The following PRDM6 variants were observed in gnomAD, a reference collection of about 807,000 sequenced individuals.
The protein encoded by PRDM6 is PR/SET domain 6.
A neutral mutation model predicts 60.8 loss-of-function variants in PRDM6; 25 were observed. The ratio of observed to expected loss-of-function variants is 0.41; its 90% CI spans 0.30 to 0.57. The LOEUF (loss-of-function observed/expected upper bound fraction) is 0.57, where lower values mean the gene tolerates loss of function less well. PRDM6 is among the 20% of genes least tolerant of loss of function. The pLI, the probability that PRDM6 is intolerant of heterozygous loss-of-function variation, is 0.27. For missense variants in PRDM6, 839 were observed against 821.3 expected (o/e 1.02, Z -0.26); for synonymous variants, 407 against 357.4 (o/e 1.14, Z -1.57).
chr5:123,106,046 A>T (rs563847404), intron 3 of PRDM6, among the ~76,000 whole-genome samples: 1 of 152,346 alleles, frequency 6.6e-6, no homozygotes, highest in Non-Finnish European at 1.5e-5. Flanking sequence ...CTCTTCTTGG[A>T]GCCTGGTTGA....
In PRDM6 at chr5:123,090,348, C is replaced by T; in HGVS notation, c.334C>T (p.Pro112Ser). 6.8e-7 allele frequency: 1 copy of T among 1,475,400 alleles called. No individual in the cohort carries two copies. Among genetic ancestry groups the T allele is most frequent in the Admixed American group, 2.3e-5 (1 of 43,298 alleles). The allele number at this position is 1,475,400 out of a possible 1,614,324, so 91.4% of individuals were successfully genotyped here. Residue 112 changes from proline to serine, a missense_variant, in exon 2 of 8, where the codon CCG becomes TCG. This residue lies in a region of PRDM6 where 730 missense variants were observed against 648.8 expected (regional missense o/e 1.13). Transcript: ENST00000407847. ...AAALAGLSALPVSQLPVFAPL... is the reference protein window; with the variant it reads ...AAALAGLSALSVSQLPVFAPL... ...CGCGCTGGCTGGTCTCTCGGCCCTG[C>T]CGGTGTCGCAGCTGCCGGTGTTCGC...
At chr5:123,143,173 G>A (rs1352642470) in intron 3 of PRDM6, among the ~76,000 whole-genome samples, 1 of 151,836 alleles carries the variant, frequency 6.6e-6, no homozygotes, top group East Asian at 1.9e-4. Context: ...GTGTGTGTGT[G>A]TGTGTATGTG....
chr5:123,148,442 G>A (rs1296867027), intron 3 of PRDM6, among the ~76,000 whole-genome samples: 1 of 152,014 alleles, frequency 6.6e-6, no homozygotes, highest in Non-Finnish European at 1.5e-5. Flanking sequence ...ATTGTAATAG[G>A]TGGAGGAGGG....
intron 3 of PRDM6, among the ~76,000 whole-genome samples, chr5:123,134,293 A>G (rs115374469): frequency 0.014 from 2,135 of 152,262 alleles, 56 homozygotes; most frequent in African/African-American, 0.049. Flanking sequence ...TGTTAGCTCA[A>G]AAATGTAACA....
intron 3 of PRDM6, among the ~76,000 whole-genome samples, chr5:123,111,628 G>A (rs966386059): frequency 1.3e-5 from 2 of 152,088 alleles, no homozygotes; most frequent in South Asian, 2.1e-4. Flanking sequence ...AACCCGGGGG[G>A]CGGAGCTTGC....
Position 123,127,733 on chromosome 5 carries a change from CTTCTTTCCT to C in PRDM6, c.900+27798_900+27806del, listed in dbSNP as rs1397832859. ...TTCTCTTTCTTTCTTTCTTTCTTTC[CTTCTTTCCT>C]TTCTTTCCTTTCTTTCCTTTCTTTC... is the stretch of plus-strand genomic sequence containing the variant. On this transcript the variant is annotated intron_variant, in intron 3 of 7. Coordinates refer to ENST00000407847, the MANE Select transcript of PRDM6 (RefSeq NM_001136239.4). Among the ~76,000 whole-genome samples the C allele has an allele frequency of 1.6e-3, 225 of 140,714 alleles. 2 individuals are homozygous for C. Among genetic ancestry groups the C allele is most frequent in the Middle Eastern group, 3.6e-3 (1 of 276 alleles). The allele number at this position is 140,714 out of a possible 152,430, so 92.3% of individuals were successfully genotyped here.
In PRDM6 at chr5:123,185,424, G is replaced by T. The variant is rs530596613; in HGVS notation, c.1674-1663G>T. On this transcript the variant is annotated intron_variant, in intron 7 of 7. Coordinates refer to ENST00000407847, the MANE Select transcript of PRDM6 (RefSeq NM_001136239.4). ...TTTTCTAATAAACAATCAGCAGTTC[G>T]CTAACGTGTCATCAGCACTCCAGGA... Among the ~76,000 whole-genome samples, 17 of 152,150 alleles carry T rather than the reference G, an allele frequency of 1.1e-4. No individual in the cohort carries two copies. In the South Asian group the frequency reaches 2.9e-3, roughly 26 times the overall value.
intron 3 of PRDM6, among the ~76,000 whole-genome samples, chr5:123,151,788 C>T (rs1765374774): frequency 6.6e-6 from 1 of 151,970 alleles, no homozygotes; most frequent in Non-Finnish European, 1.5e-5. Context: ...CACCTTGGGC[C>T]CCTAGAGGTG....
At chr5:123,110,011 G>C (rs1303895683) in intron 3 of PRDM6, among the ~76,000 whole-genome samples, 2 of 152,118 alleles carry the variant, frequency 1.3e-5, no homozygotes, top group Non-Finnish European at 2.9e-5. Context: ...AATCAACATA[G>C]TGGCATATTT....
At chr5:123,171,641 A>G (rs1765891903) in intron 6 of PRDM6, among the ~76,000 whole-genome samples, 1 of 152,222 alleles carries the variant, frequency 6.6e-6, no homozygotes, top group South Asian at 2.1e-4. Flanking sequence ...ATGTGGAGGA[A>G]AACAGATGCC....
In PRDM6 at chr5:123,187,019, A is replaced by G. The variant is rs1437418855; in HGVS notation, c.1674-68A>G. On this transcript the variant is annotated intron_variant, in intron 7 of 7. Coordinates refer to ENST00000407847, the MANE Select transcript of PRDM6 (RefSeq NM_001136239.4). Reference sequence around the variant, plus strand: ...GGAGTGTCTGTTCTGATTAGGCAGGATGAGAGGAAGCCCATCACCCTGCAG... The same window carrying G: ...GGAGTGTCTGTTCTGATTAGGCAGGGTGAGAGGAAGCCCATCACCCTGCAG... The G allele has an allele frequency of 7.0e-6, 8 of 1,144,730 alleles. No homozygotes were observed. In the Admixed American group the frequency reaches 1.4e-4, roughly 20 times the overall value. 70.9% of individuals were successfully genotyped at this position (1,144,730 alleles called of 1,614,324 possible). A position where few individuals can be genotyped will look rare whatever the true frequency, so the allele number is the denominator to read the frequency against.
intron 2 of PRDM6, among the ~76,000 whole-genome samples, chr5:123,093,624 A>G (rs1367217043): frequency 6.6e-6 from 1 of 152,162 alleles, no homozygotes; most frequent in East Asian, 1.9e-4. Flanking sequence ...CTCCTGCGAT[A>G]TAAATGGGGG....
intron 2 of PRDM6, among the ~76,000 whole-genome samples, chr5:123,095,124 C>T (rs897234674): frequency 6.6e-6 from 1 of 152,214 alleles, no homozygotes; most frequent in African/African-American, 2.4e-5. Flanking sequence ...GCAAACCTGC[C>T]TCGCCTCTGG....
intron 7 of PRDM6, among the ~76,000 whole-genome samples, chr5:123,186,658 T>C (rs896398189): frequency 1.3e-5 from 2 of 152,276 alleles, no homozygotes; most frequent in African/African-American, 4.8e-5. Flanking sequence ...CTTTGGCTGC[T>C]GTTCTGAAGG....
At chr5:123,111,712 A>AAC (rs1554085998) in intron 3 of PRDM6, among the ~76,000 whole-genome samples, 1 of 150,860 alleles carries the variant, frequency 6.6e-6, no homozygotes, top group Non-Finnish European at 1.5e-5. Context: ...CAAAACAAAA[A>AAC]AAAAACAAAA....
intron 2 of PRDM6, among the ~76,000 whole-genome samples, chr5:123,092,530 A>G (rs1353366563): frequency 1.3e-5 from 2 of 152,196 alleles, no homozygotes; most frequent in Non-Finnish European, 2.9e-5. Flanking sequence ...TAATTAATAT[A>G]TGGGTATTGA....
intron 5 of PRDM6, among the ~76,000 whole-genome samples, chr5:123,160,849 G>C (rs1765614046): frequency 6.6e-6 from 1 of 152,188 alleles, no homozygotes; most frequent in South Asian, 2.1e-4. Flanking sequence ...CCATATTCCT[G>C]TTTGAGGGAG....
At chr5:123,120,613 G>A (rs929107060) in intron 3 of PRDM6, among the ~76,000 whole-genome samples, 2 of 152,152 alleles carry the variant, frequency 1.3e-5, no homozygotes, top group African/African-American at 4.8e-5. Flanking sequence ...AATTTTAAAT[G>A]TATTTTTCCT....
intron 3 of PRDM6, among the ~76,000 whole-genome samples, chr5:123,113,457 C>T (rs1764361997): frequency 6.6e-6 from 1 of 152,152 alleles, no homozygotes; most frequent in African/African-American, 2.4e-5. Context: ...CTCACAATGA[C>T]ACAATAAGGT....
Sources: gnomAD v4.1 joint callset for allele counts (sites outside exome capture counted in the v4.1 genomes callset) on GRCh38, gnomAD v4.1.1 for gene constraint, gnomAD v4.1.1 regional missense constraint, MANE v1.5 for transcripts, NCBI Gene and HGNC (gene_info 2026-07-23, HGNC 2026-07-21) for gene names.